SPTBN5: variants seen among roughly 807,000 people sequenced by gnomAD.
SPTBN5 encodes spectrin beta, non-erythrocytic 5, also known as spectrin beta chain, non-erythrocytic 5.
SPTBN5 carries 513 observed loss-of-function variants against 477.6 expected under a neutral mutation model. That is an observed-to-expected ratio of 1.07 (90% confidence interval 1.00 to 1.16). The LOEUF is 1.16. SPTBN5 is among the 50% of genes most tolerant of loss of function. The pLI, the probability that SPTBN5 is intolerant of heterozygous loss-of-function variation, is 0.00. For synonymous variants in SPTBN5, 2,169 were observed against 2,011.7 expected (o/e 1.08, Z -2.09); for missense variants, 5,062 against 4,731.8 (o/e 1.07, Z -2.05).
intron 67 of SPTBN5, 40 bp downstream of exon 67, chr15:41,849,829 C>T: frequency 6.6e-7 from 1 of 1,511,264 alleles, no homozygotes; most frequent in Non-Finnish European, 9.0e-7. Flanking sequence ...CACTGAAGCC[C>T]AGGGCTCCCC....
At chr15:41,878,655 T>C (rs1219781306) in intron 16 of SPTBN5, 26 bp from the exon 17 acceptor site, 1 of 1,596,570 alleles carries the variant, frequency 6.3e-7, no homozygotes. Flanking sequence ...CGCTGCACAG[T>C]CAGTGCCCTG....
At chr15:41,856,822 C>T (rs1043721685) in intron 52 of SPTBN5, 31 bp downstream of exon 52, 46 of 1,525,680 alleles carry the variant, frequency 3.0e-5, no homozygotes, top group Middle Eastern at 1.8e-4. Context: ...TGCTCATGTG[C>T]GAGGCCAGCC....
chr15:41,849,914 A>G lies in SPTBN5; in HGVS notation c.10967T>C (p.Leu3656Pro). ...PKLKAKPVSSLNECTTKDARP... is the reference protein window; with the variant it reads ...PKLKAKPVSSPNECTTKDARP... Reference sequence around the variant, plus strand: ...GGCATCCTTGGTCGTGCACTCATTCAGAGAGCTGACAGGTTTGGCTTTGAG... The same window carrying G: ...GGCATCCTTGGTCGTGCACTCATTCGGAGAGCTGACAGGTTTGGCTTTGAG... The change falls in exon 67 of 68, where the codon CTG becomes CCG. Residue 3656 changes from leucine (L) to proline (P), a missense_variant. Transcript: ENST00000320955. 1 of 1,596,942 alleles carries G rather than the reference A, an allele frequency of 6.3e-7. No individual in the cohort carries two copies. Among genetic ancestry groups the G allele is most frequent in the Non-Finnish European group, 8.5e-7 (1 of 1,171,512 alleles).
chr15:41,861,180 G>A (rs1319928479), intron 46 of SPTBN5, among the ~76,000 whole-genome samples: 1 of 152,218 alleles, frequency 6.6e-6, no homozygotes, highest in Non-Finnish European at 1.5e-5. Flanking sequence ...AATGGGTCAG[G>A]CCCACACAGG....
chr15:41,852,403 C>T, intron 61 of SPTBN5, 87 bp from the exon 62 acceptor site: 3 of 1,474,006 alleles, frequency 2.0e-6, no homozygotes, highest in Non-Finnish European at 2.7e-6. Flanking sequence ...CCTCCCCCAG[C>T]CCTCCCGGTC....
intron 62 of SPTBN5, 119 bp downstream of exon 62, chr15:41,852,063 G>A: frequency 7.7e-7 from 1 of 1,293,046 alleles, no homozygotes; most frequent in South Asian, 1.5e-5. Flanking sequence ...TTCAGCTCCT[G>A]TGCCCGGGCT....
chr15:41,850,675 G>T, intron 66 of SPTBN5, 179 bp downstream of exon 66: 1 of 613,020 alleles, frequency 1.6e-6, no homozygotes, highest in Non-Finnish European at 2.8e-6. Flanking sequence ...GTGATCTTGG[G>T]CAAGTTGCGT....
chr15:41,854,650 G>A (rs1595444508), intron 56 of SPTBN5, 132 bp downstream of exon 56: 4 of 748,168 alleles, frequency 5.3e-6, no homozygotes, highest in Admixed American at 3.4e-5. Context: ...GCAGGTGAGG[G>A]AAAAGGCACA....
Position 41,881,968 on chromosome 15 carries a change from G to C in SPTBN5, c.2425C>G (p.Arg809Gly), listed in dbSNP as rs745538622. The change falls in exon 12 of 68, where the codon CGG becomes GGG. Residue 809 changes from arginine (R) to glycine (G), a missense_variant. Arg to Gly is a moderately radical substitution (Grantham distance 125). Coordinates refer to ENST00000320955, the MANE Select transcript of SPTBN5 (RefSeq NM_016642.4). ...AELRRLEEQGRAASARASLFT... is the reference protein window; with the variant it reads ...AELRRLEEQGGAASARASLFT... ...AACGACGCCCGGGCCGAGGCCGCCC[G>C]CCCCTGCTCCTCCAGCCGCCGCAGC... 2.0e-6 allele frequency: 3 copies of C among 1,530,942 alleles called. No individual in the cohort carries two copies. The highest frequency in any genetic ancestry group is 2.8e-5 in the African/African-American group (2 of 70,542). 94.8% of individuals were successfully genotyped at this position (1,530,942 alleles called of 1,614,324 possible). A position where few individuals can be genotyped will look rare whatever the true frequency, so the allele number is the denominator to read the frequency against.
At position 41,885,880 on chromosome 15, in the gene SPTBN5, G is replaced by C. The variant is rs1318081295; in HGVS notation, c.1375C>G (p.Leu459Val). The C allele has an allele frequency of 6.3e-7, 1 of 1,582,694 alleles. No homozygotes were observed. The highest frequency in any genetic ancestry group is 1.8e-5 in the Admixed American group (1 of 55,932). Residue 459 changes from leucine to valine, a missense_variant, in exon 7 of 68, where the codon CTG becomes GTG. Transcript: ENST00000320955. ...TGGACGGCTGCCTCCACTGTGGCCA[G>C]GCTGGCTGGCGGGGCTCTGGCCTGG... is the stretch of plus-strand genomic sequence containing the variant. ...LDQARAPPAS[L>V]ATVEAAVQRL...
At chr15:41,858,089 G>A (rs1369234385) in intron 49 of SPTBN5, among the ~76,000 whole-genome samples, 1 of 152,160 alleles carries the variant, frequency 6.6e-6, no homozygotes, top group Non-Finnish European at 1.5e-5. Flanking sequence ...CTGAGCTCAG[G>A]AGTTTAACAC....
Position 41,861,861 on chromosome 15 carries a change from G to T in SPTBN5, c.7611C>A (p.Leu2537=). The T allele has an allele frequency of 6.2e-7, 1 of 1,608,436 alleles. No homozygotes were observed. ...SLARSTGQQL[L]TAGHPFSSDI... ...CGGAGCTGAAGGGGTGCCCCGCTGT[G>T]AGCAGTTGCTGCCCAGTGCTTCGGG... The change falls in exon 45 of 68, where the codon CTC becomes CTA. Residue 2537 remains leucine, a synonymous_variant. Coordinates refer to ENST00000320955, the MANE Select transcript of SPTBN5 (RefSeq NM_016642.4).
chr15:41,880,360 A>G, intron 13 of SPTBN5, 48 bp from the exon 14 acceptor site: 3 of 1,536,906 alleles, frequency 2.0e-6, no homozygotes, highest in Non-Finnish European at 2.6e-6. Flanking sequence ...GGCCCCCGAC[A>G]GGGCTCTCAG....
rs957077176 is a variant in SPTBN5, at chr15:41,876,174, C to A, written c.4062G>T (p.Arg1354=). 1.2e-6 allele frequency: 2 copies of A among 1,605,890 alleles called. No individual in the cohort carries two copies. The highest frequency in any genetic ancestry group is 8.5e-7 in the Non-Finnish European group (1 of 1,179,708). The change falls in exon 21 of 68, where the codon CGG becomes CGT. Residue 1354 remains arginine, a synonymous_variant. Transcript: ENST00000320955. ...GTAGCTCGCTCTCAGCTGCTTCGTG[C>A]CGCTTGAGTGTCTGCAGGATGTTTC... ...ARRNILQTLK[R]HEAAESELLA... is the part of the protein sequence containing the mutation.
intron 6 of SPTBN5, 69 bp downstream of exon 6, chr15:41,887,144 G>T (rs376398902): frequency 2.9e-5 from 41 of 1,405,924 alleles, no homozygotes; most frequent in East Asian, 2.0e-4. Flanking sequence ...ACGTGGCAGG[G>T]CAGGCTTCAC....
Position 41,857,264 on chromosome 15 carries a change from T to C in SPTBN5, c.8595A>G (p.Glu2865=), listed in dbSNP as rs1256310212. 1 of 1,581,940 alleles carries C rather than the reference T, an allele frequency of 6.3e-7. No individual in the cohort carries two copies. The highest frequency in any genetic ancestry group is 2.3e-5 in the East Asian group (1 of 43,342). Residue 2865 remains glutamate, a synonymous_variant, in exon 51 of 68, where the codon GAA becomes GAG. Transcript: ENST00000320955. ...REGHCLAQDV[E]EQARRLLQRF... ...TCTGAAGCAGCCGCCGGGCCTGCTC[T>C]TCCACATCTTGGGCAAGGCAGTGGC...
At chr15:41,891,283 AC>A (rs1213976540) in intron 3 of SPTBN5, among the ~76,000 whole-genome samples, 1 of 152,236 alleles carries the variant, frequency 6.6e-6, no homozygotes, top group African/African-American at 2.4e-5. Flanking sequence ...CTGAAGGGCA[AC>A]TGGCTTCAGC....
chr15:41,866,950 C>T lies in SPTBN5; in HGVS notation c.6480+9G>A, dbSNP rs2066340801. ...AGTGGAAGGCCCTGGGCTGGGGGTGCCCTCTGACCTGGGTTGCGGCCTGGG... is the reference window on the plus strand; with the variant it reads ...AGTGGAAGGCCCTGGGCTGGGGGTGTCCTCTGACCTGGGTTGCGGCCTGGG... On this transcript the variant is annotated intron_variant, in intron 36 of 67. Coordinates refer to ENST00000320955, the MANE Select transcript of SPTBN5 (RefSeq NM_016642.4). 3 of 1,566,216 alleles carry T rather than the reference C, an allele frequency of 1.9e-6. No homozygotes were observed. Among genetic ancestry groups the T allele is most frequent in the Non-Finnish European group, 2.6e-6 (3 of 1,156,060 alleles).
intron 47 of SPTBN5, 63 bp downstream of exon 47, chr15:41,860,523 C>A (rs1050900561): frequency 1.2e-5 from 16 of 1,325,220 alleles, no homozygotes; most frequent in Non-Finnish European, 1.6e-5. Flanking sequence ...AAGGGAAGAA[C>A]CGGGATGCCA....
Sources: allele counts gnomAD v4.1 joint callset (sites outside exome capture counted in the v4.1 genomes callset), GRCh38; gene constraint gnomAD v4.1.1; transcripts MANE v1.5; gene names NCBI Gene and HGNC (gene_info 2026-07-23, HGNC 2026-07-21).